The following NBAS variants were observed in gnomAD, a reference collection of about 807,000 sequenced individuals.
NBAS encodes the protein NAG/BC035112 fusion.
In NBAS, 219 loss-of-function variants were observed where a neutral mutation model predicts 302.5. The observed-to-expected ratio is 0.72, with a 90% CI of 0.65 to 0.81. NBAS has a LOEUF of 0.81. Among genes scored for constraint, NBAS ranks in the 30% least tolerant of loss-of-function variants. NBAS has a pLI of 0.00. For synonymous variants in NBAS, 1,118 were observed against 1,021.6 expected, an observed-to-expected ratio of 1.09 and a Z score of -1.80; for missense variants, 2,932 against 2,841.6, an observed-to-expected ratio of 1.03 and a Z score of -0.72.
intron 50 of NBAS, 73 bp downstream of exon 50, chr2:15,186,668 TG>T: frequency 6.2e-7 from 1 of 1,602,620 alleles, no homozygotes; most frequent in Non-Finnish European, 8.5e-7. Context: ...ATCCAGTCTC[TG>T]GGATTGCTTA....
At chr2:14,990,503 G>A in the NBAS span, among the ~76,000 whole-genome samples, 8 of 152,168 alleles carry the variant, frequency 5.3e-5, no homozygotes, top group African/African-American at 1.9e-4. Context: ...AAACAGGTTT[G>A]CATCTCGGTT....
At chr2:15,213,088 T>A (rs570860901) in intron 48 of NBAS, among the ~76,000 whole-genome samples, 1 of 152,316 alleles carries the variant, frequency 6.6e-6, no homozygotes, top group East Asian at 1.9e-4. Flanking sequence ...AACAATTGTA[T>A]TGTGTTATTA....
chr2:15,220,703 CCCACAAGGGCCTGGAGAT>C lies in NBAS; in HGVS notation c.6237-1753_6237-1736del, dbSNP rs546406043. On this transcript the variant is annotated intron_variant, in intron 47 of 51. Coordinates refer to ENST00000281513, the MANE Select transcript of NBAS (RefSeq NM_015909.4). ...GGGTTATCCATACAGGAGACTCACT[CCCACAAGGGCCTGGAGAT>C]CCATGCTAAAGCACTGAATTATACA... Among the ~76,000 whole-genome samples the C allele has an allele frequency of 2.6e-4, 39 of 152,282 alleles. No homozygotes were observed. The East Asian group carries it at 7.1e-3, about 28-fold the overall frequency.
chr2:15,011,412 T>A, the NBAS span, among the ~76,000 whole-genome samples: 7 of 152,134 alleles, frequency 4.6e-5, no homozygotes, highest in Non-Finnish European at 4.4e-5. Flanking sequence ...ACCTCTTTTT[T>A]AAAAATCAGA....
intron 48 of NBAS, among the ~76,000 whole-genome samples, chr2:15,209,809 A>C (rs1666323443): frequency 1.3e-5 from 2 of 152,298 alleles, no homozygotes; most frequent in South Asian, 4.1e-4. Flanking sequence ...GAGAACCCAA[A>C]GATAAATCCA....
chr2:15,224,899 A>C (rs1245260991), intron 47 of NBAS, among the ~76,000 whole-genome samples: 1 of 152,208 alleles, frequency 6.6e-6, no homozygotes, highest in Non-Finnish European at 1.5e-5. Context: ...GACACTTCCC[A>C]GGAGAATGTC....
intron 35 of NBAS, among the ~76,000 whole-genome samples, chr2:15,339,175 T>C (rs1346162067): frequency 6.6e-6 from 1 of 152,152 alleles, no homozygotes; most frequent in Non-Finnish European, 1.5e-5. Flanking sequence ...ATGCCCAATT[T>C]TTAAAATTAC....
chr2:15,171,664 G>A (rs181144990), intron 51 of NBAS, among the ~76,000 whole-genome samples: 218 of 152,212 alleles, frequency 1.4e-3, no homozygotes, highest in Middle Eastern at 6.8e-3. Context: ...ACTGTGTCCC[G>A]CACAAATTCG....
chr2:15,528,626 G>T (rs1572972819), intron 9 of NBAS, among the ~76,000 whole-genome samples: 1 of 149,820 alleles, frequency 6.7e-6, no homozygotes, highest in East Asian at 2.0e-4. Context: ...CCAACACTTT[G>T]GGAGGCTGAG....
At chr2:14,822,780 G>A in the NBAS span, among the ~76,000 whole-genome samples, 1 of 152,190 alleles carries the variant, frequency 6.6e-6, no homozygotes, top group Non-Finnish European at 1.5e-5. Context: ...GTAGTTTGTT[G>A]TTGTTTGATA....
chr2:15,134,056 T>TCTCTCTCTCTCTCTCTC, the NBAS span, among the ~76,000 whole-genome samples: 1 of 145,788 alleles, frequency 6.9e-6, no homozygotes, highest in Admixed American at 6.8e-5. Context: ...GAACATTTCT[T>TCTCTCTCTCTCTCTCTC]TCTCTCTCTC....
rs111326577 is a variant in NBAS, at chr2:15,328,412, A to G, written c.4348-100T>C. ...GAAAGAAGGGAGAGAGGGAGGAAGA[A>G]AAGGCTGATTTCAAAAGAAACTGGT... On this transcript the variant is annotated intron_variant, in intron 36 of 51. Transcript: ENST00000281513. 0.013 allele frequency: 13,294 copies of G among 1,005,570 alleles called. 255 individuals carry two copies. Among genetic ancestry groups the G allele is most frequent in the African/African-American group, 0.056 (3,462 of 62,098 alleles). 62.3% of individuals were successfully genotyped at this position (1,005,570 alleles called of 1,614,324 possible).
chr2:15,353,471 T>C lies in NBAS; in HGVS notation c.4089+82A>G, dbSNP rs78069354. The C allele has an allele frequency of 4.5e-3, 6,850 of 1,535,984 alleles. 124 individuals are homozygous for C. The East Asian group carries it at 0.049, about 11-fold the overall frequency. ...AATTAAAATTCTCATACTACTTTTT[T>C]AAGTGACCACATACCTCAGATACAC... On this transcript the variant is annotated intron_variant, in intron 34 of 51. Coordinates refer to ENST00000281513, the MANE Select transcript of NBAS (RefSeq NM_015909.4).
chr2:14,948,391 T>C, the NBAS span, among the ~76,000 whole-genome samples: 2 of 152,056 alleles, frequency 1.3e-5, no homozygotes, highest in African/African-American at 4.8e-5. Flanking sequence ...TACTGATAAA[T>C]CCAGTAAAGT....
At chr2:14,982,774 C>T in the NBAS span, among the ~76,000 whole-genome samples, 1 of 152,068 alleles carries the variant, frequency 6.6e-6, no homozygotes, top group East Asian at 1.9e-4. Context: ...TTATAAATAA[C>T]TTGATTCATA....
chr2:15,217,541 G>A (rs987870999), intron 48 of NBAS, among the ~76,000 whole-genome samples: 1 of 152,236 alleles, frequency 6.6e-6, no homozygotes, highest in African/African-American at 2.4e-5. Context: ...GGTAGAATGA[G>A]TTGCAGTTAG....
At chr2:15,557,447 CA>C (rs1221128308) in intron 2 of NBAS, among the ~76,000 whole-genome samples, 1 of 151,942 alleles carries the variant, frequency 6.6e-6, no homozygotes, top group Non-Finnish European at 1.5e-5. Flanking sequence ...GTATTTTCTA[CA>C]ATGAATTTTT....
intron 48 of NBAS, among the ~76,000 whole-genome samples, chr2:15,193,741 T>C (rs561812004): frequency 6.6e-6 from 1 of 152,220 alleles, no homozygotes; most frequent in Non-Finnish European, 1.5e-5. Flanking sequence ...ATCCAAGATT[T>C]GTGTCCACAA....
chr2:15,429,463 T>G (rs753312542), intron 21 of NBAS, among the ~76,000 whole-genome samples: 133 of 152,276 alleles, frequency 8.7e-4, no homozygotes, highest in Non-Finnish European at 1.4e-3. Context: ...CAAGAAACAC[T>G]TCATAAACGT....
Sources: allele counts gnomAD v4.1 joint callset (sites outside exome capture counted in the v4.1 genomes callset), GRCh38; gene constraint gnomAD v4.1.1; transcripts MANE v1.5; gene names NCBI Gene and HGNC (gene_info 2026-07-23, HGNC 2026-07-21).